The following SH3TC2 variants were observed in gnomAD, a reference collection of about 807,000 sequenced individuals.
The protein encoded by SH3TC2 is SH3 domain and tetratricopeptide repeat-containing protein 2.
SH3TC2 carries 87 observed loss-of-function variants against 124.5 expected under a neutral mutation model. That is an observed-to-expected ratio of 0.70 (90% CI 0.59 to 0.84). The LOEUF (loss-of-function observed/expected upper bound fraction) is 0.84. Among genes scored for constraint, SH3TC2 ranks in the 40% least tolerant of loss-of-function variants. The pLI is 0.00. For missense variants in SH3TC2, 1,536 were observed against 1,566.4 expected (o/e 0.98, Z 0.33); for synonymous variants, 634 against 628.5 (o/e 1.01, Z -0.13).
chr5:149,005,847 G>C (rs535166424), intron 16 of SH3TC2, among the ~76,000 whole-genome samples: 8 of 152,242 alleles, frequency 5.3e-5, no homozygotes, highest in African/African-American at 1.9e-4. Context: ...AGAGATTAAG[G>C]GTTGTGCTTC....
chr5:149,041,690 A>AT lies in SH3TC2; in HGVS notation c.530-74dup, dbSNP rs1754375454. 4.6e-6 allele frequency: 7 copies of AT among 1,511,224 alleles called. 1 individual carries two copies. The highest frequency in any genetic ancestry group is 4.6e-6 in the Non-Finnish European group (5 of 1,090,010). The allele number at this position is 1,511,224 out of a possible 1,614,324, so 93.6% of individuals were successfully genotyped here. Reference sequence around the variant, plus strand: ...TGAAAACGGATTATCACACAAAGTAATGCTTCTATTCAGAGCTGGAGTACT... The same window carrying AT: ...TGAAAACGGATTATCACACAAAGTAATTGCTTCTATTCAGAGCTGGAGTACT... On this transcript the variant is annotated intron_variant, in intron 5 of 16. Transcript: ENST00000515425.
Position 149,000,854 on chromosome 5 carries a change from TA to T in SH3TC2, c.*3856del, listed in dbSNP as rs1157745733. On this transcript the variant is annotated 3_prime_UTR_variant, in exon 17 of 17. Coordinates refer to ENST00000515425, the MANE Select transcript of SH3TC2 (RefSeq NM_024577.4). ...AAAAGAAGATAATATAATTGAGCTA[TA>T]AAAATATATTATTTCATCTCTCCAA... Among the ~76,000 whole-genome samples the T allele has an allele frequency of 6.6e-6, 1 of 152,216 alleles. No homozygotes were observed. The highest frequency in any genetic ancestry group is 6.5e-5 in the Admixed American group (1 of 15,286).
intron 14 of SH3TC2, 46 bp downstream of exon 14, chr5:149,010,224 G>A: frequency 1.2e-6 from 2 of 1,613,674 alleles, no homozygotes; most frequent in East Asian, 2.2e-5. Flanking sequence ...CCCTTCCCAT[G>A]CCCGTGCCAG....
chr5:149,014,074 A>T (rs537539739), intron 12 of SH3TC2, among the ~76,000 whole-genome samples: 26 of 152,308 alleles, frequency 1.7e-4, no homozygotes, highest in Admixed American at 6.5e-4. Flanking sequence ...TGCACAGTAC[A>T]TTAGGGGGAG....
rs1403002970 is a variant in SH3TC2, at chr5:148,994,701, T to TGGAA, written c.*10009_*10010insTTCC. On this transcript the variant is annotated 3_prime_UTR_variant, in exon 17 of 17. Coordinates refer to ENST00000515425, the MANE Select transcript of SH3TC2 (RefSeq NM_024577.4). ...ATAAATGAATGGATGGATGGAAGGA[T>TGGAA]GGATGGATGGATGGATGGATGGATG... Among the ~76,000 whole-genome samples, 2 of 134,608 alleles carry TGGAA rather than the reference T, an allele frequency of 1.5e-5. No homozygotes were observed. The highest frequency in any genetic ancestry group is 3.3e-5 in the Non-Finnish European group (2 of 60,356). The allele number at this position is 134,608 out of a possible 152,430, so 88.3% of individuals were successfully genotyped here. A position where few individuals can be genotyped will look rare whatever the true frequency, so the allele number is the denominator to read the frequency against.
In SH3TC2 at chr5:148,985,642, C is replaced by A. The variant is rs952864929; in HGVS notation, c.*19069G>T. On this transcript the variant is annotated 3_prime_UTR_variant, in exon 17 of 17. Coordinates refer to ENST00000515425, the MANE Select transcript of SH3TC2 (RefSeq NM_024577.4). ...GACATTGGGTTGTTCCAATTTCTGGCAACTATGAATAAATCCACTCTAAAC... is the reference window on the plus strand; with the variant it reads ...GACATTGGGTTGTTCCAATTTCTGGAAACTATGAATAAATCCACTCTAAAC... 4.6e-5 allele frequency among the ~76,000 whole-genome samples: 7 copies of A among 152,166 alleles called. No individual in the cohort carries two copies. The highest frequency in any genetic ancestry group is 1.7e-4 in the African/African-American group (7 of 41,452).
chr5:149,028,419 C>G lies in SH3TC2; in HGVS notation c.1313G>C (p.Ser438Thr). The change falls in exon 11 of 17, where the codon AGC becomes ACC. Residue 438 changes from serine (S) to threonine (T), a missense_variant. By Grantham distance (58) the Ser-to-Thr change is moderately conservative. This residue lies in a region of SH3TC2 where 1,102 missense variants were observed against 1,098.6 expected (regional missense o/e 1.00). Transcript: ENST00000515425. Reference protein sequence around the residue: ...EEELLSATSDSYRLPEPDDLD... With the variant: ...EEELLSATSDTYRLPEPDDLD... ...GTCATCAGGCTCCGGCAGGCGATAG[C>G]TGTCTGAGGTGGCCGAGAGGAGCTC... 1 of 1,613,814 alleles carries G rather than the reference C, an allele frequency of 6.2e-7. No homozygotes were observed. The highest frequency in any genetic ancestry group is 2.2e-5 in the East Asian group (1 of 44,874).
intron 8 of SH3TC2, 138 bp from the exon 9 acceptor site, chr5:149,031,825 C>T (rs978550205): frequency 9.0e-7 from 1 of 1,108,750 alleles, no homozygotes; most frequent in African/African-American, 1.5e-5. Context: ...TTAGATTCCT[C>T]ATCTCACCAT....
chr5:149,011,607 C>T (rs995967039), intron 13 of SH3TC2, among the ~76,000 whole-genome samples: 9 of 152,142 alleles, frequency 5.9e-5, no homozygotes, highest in Non-Finnish European at 1.3e-4. Context: ...AATCCTACTG[C>T]GTTTATAATG....
rs1753313346 is a variant in SH3TC2 at position 148,985,158 on chromosome 5, A to AAG, written c.*19552_*19553insCT. Among the ~76,000 whole-genome samples the AAG allele has an allele frequency of 6.6e-6, 1 of 151,588 alleles. No homozygotes were observed. The highest frequency in any genetic ancestry group is 2.4e-5 in the African/African-American group (1 of 41,234). ...AGCTACTTTTCTGGAAAAAAAAAAA[A>AAG]CTATTCACTCAAAGCACTTAAAATC... is the stretch of plus-strand genomic sequence containing the variant. On this transcript the variant is annotated 3_prime_UTR_variant, in exon 17 of 17. Coordinates refer to ENST00000515425, the MANE Select transcript of SH3TC2 (RefSeq NM_024577.4).
At chr5:149,015,058 C>T (rs551660845) in intron 12 of SH3TC2, among the ~76,000 whole-genome samples, 7 of 152,336 alleles carry the variant, frequency 4.6e-5, no homozygotes, top group African/African-American at 1.7e-4. Flanking sequence ...CCAGCATTTG[C>T]TTCTGGCACT....
chr5:149,049,838 A>G (rs1754527358), intron 2 of SH3TC2, among the ~76,000 whole-genome samples: 1 of 151,934 alleles, frequency 6.6e-6, no homozygotes, highest in African/African-American at 2.4e-5. Flanking sequence ...CTTTTTACTC[A>G]GTGCCTGGTA....
intron 9 of SH3TC2, among the ~76,000 whole-genome samples, chr5:149,030,010 T>C (rs1266272005): frequency 6.6e-6 from 1 of 152,154 alleles, no homozygotes; most frequent in Non-Finnish European, 1.5e-5. Context: ...CCAGAGATTG[T>C]CATTGCAGAA....
intron 1 of SH3TC2, chr5:149,057,539 A>G (rs1209507178): frequency 6.6e-6 from 1 of 152,202 alleles, no homozygotes; most frequent in Non-Finnish European, 1.5e-5. Flanking sequence ...CCCAGCATCC[A>G]TTCATTATCT....
rs772832716 is a variant in SH3TC2, at chr5:149,031,593, T to C, written c.1096A>G (p.Thr366Ala). 25 of 1,613,560 alleles carry C rather than the reference T, an allele frequency of 1.5e-5. No homozygotes were observed. Among genetic ancestry groups the C allele is most frequent in the Admixed American group, 1.5e-4 (9 of 59,970 alleles). The part of the protein sequence containing the change: ...KQTECSSFLH[T>A]LARTDITSVY... The stretch of plus-strand genomic sequence containing the variant: ...GATGTGATGTCAGTGCGAGCAAGAG[T>C]GTGGAGGAAGCTGGAACACTCAGTC... The change falls in exon 9 of 17, where the codon ACT becomes GCT. Residue 366 changes from threonine (T) to alanine (A), a missense_variant. By Grantham distance (58) the Thr-to-Ala change is moderately conservative. Transcript: ENST00000515425.
At chr5:149,052,347 G>T in intron 1 of SH3TC2, 107 bp from the exon 2 acceptor site, 3 of 794,390 alleles carry the variant, frequency 3.8e-6, no homozygotes, top group Non-Finnish European at 6.7e-6. Flanking sequence ...TCCAGGATTA[G>T]TGGCATGGAA....
At chr5:149,039,475 C>G (rs1754333843) in intron 7 of SH3TC2, among the ~76,000 whole-genome samples, 1 of 152,186 alleles carries the variant, frequency 6.6e-6, no homozygotes, top group Non-Finnish European at 1.5e-5. Context: ...TTTAGCTTCT[C>G]TGCTAAAGCT....
intron 12 of SH3TC2, among the ~76,000 whole-genome samples, chr5:149,019,189 C>T (rs1057072654): frequency 2.6e-5 from 4 of 152,164 alleles, no homozygotes; most frequent in Non-Finnish European, 5.9e-5. Context: ...ACAGCTTTCC[C>T]CTTTTTACTC....
intron 3 of SH3TC2, chr5:149,046,523 T>C (rs1754466405): frequency 6.6e-6 from 1 of 152,220 alleles, no homozygotes; most frequent in Non-Finnish European, 1.5e-5. Flanking sequence ...AATGGCATCT[T>C]AGATCTAATG....
Sources: allele counts gnomAD v4.1 joint callset (sites outside exome capture counted in the v4.1 genomes callset), GRCh38; gene constraint gnomAD v4.1.1; regional missense constraint gnomAD v4.1.1; transcripts MANE v1.5; gene names NCBI Gene and HGNC (gene_info 2026-07-23, HGNC 2026-07-21).